Variants in ABI3BP observed in about 807,000 individuals in gnomAD.
ABI3BP encodes the protein ABI family member 3 binding protein, also known as target of Nesh-SH3.
Under a neutral mutation model 268.6 loss-of-function variants are expected in ABI3BP, and 216 were observed. The observed-to-expected ratio is 0.80, with a 90% CI of 0.72 to 0.90. The LOEUF is 0.90. Among genes scored for constraint, ABI3BP ranks in the 40% least tolerant of loss-of-function variants. The probability of loss-of-function intolerance (pLI) is 0.00; values close to 1 mark genes in which losing one functional copy is unlikely to be tolerated. For synonymous variants in ABI3BP, 730 were observed against 730.0 expected (o/e 1.00, Z 0.00); for missense variants, 2,090 against 2,182.4 (o/e 0.96, Z 0.84).
rs148714939 is a variant in ABI3BP at position 100,835,324 on chromosome 3, C to G, written c.2191+277G>C. On this transcript the variant is annotated intron_variant, in intron 28 of 67. Coordinates refer to ENST00000471714, the MANE Select transcript of ABI3BP (RefSeq NM_001375547.2). Reference sequence around the variant, plus strand: ...TGAAATTCAGTTTTAACATAGAACACTACTGGAGCAGAATCACAGGCTCTG... The same window carrying G: ...TGAAATTCAGTTTTAACATAGAACAGTACTGGAGCAGAATCACAGGCTCTG... 3.4e-4 allele frequency among the ~76,000 whole-genome samples: 52 copies of G among 152,242 alleles called. 1 individual carries two copies. Among genetic ancestry groups the G allele is most frequent in the African/African-American group, 1.2e-3 (50 of 41,558 alleles).
chr3:100,930,510 G>A (rs2063260874), intron 1 of ABI3BP, among the ~76,000 whole-genome samples: 1 of 151,914 alleles, frequency 6.6e-6, no homozygotes, highest in South Asian at 2.1e-4. Flanking sequence ...AAATGACAAA[G>A]GTGACACTAC....
chr3:100,929,465 T>C (rs2062925955), intron 1 of ABI3BP, among the ~76,000 whole-genome samples: 1 of 152,060 alleles, frequency 6.6e-6, no homozygotes, highest in African/African-American at 2.4e-5. Flanking sequence ...AATTGGCATT[T>C]AGCTGTTCTA....
At position 100,749,608 on chromosome 3, in the gene ABI3BP, A is replaced by ACGTATAAATACATAGTAAATATCCT. The variant is rs2149131265; in HGVS notation, c.*862_*886dup. The ACGTATAAATACATAGTAAATATCCT allele has an allele frequency of 7.5e-6, 3 of 398,368 alleles. No individual in the cohort carries two copies. The highest frequency in any genetic ancestry group is 4.4e-6 in the Non-Finnish European group (1 of 225,672). 24.7% of individuals were successfully genotyped at this position (398,368 alleles called of 1,614,324 possible). On this transcript the variant is annotated 3_prime_UTR_variant, in exon 68 of 68. Coordinates refer to ENST00000471714, the MANE Select transcript of ABI3BP (RefSeq NM_001375547.2). ...GATACATTCATTCATAGAGGTCTTA[A>ACGTATAAATACATAGTAAATATCCT]CGTATAAATACATAGTAAATATCCT...
At chr3:100,932,163 T>C (rs1029803151) in intron 1 of ABI3BP, among the ~76,000 whole-genome samples, 11 of 151,998 alleles carry the variant, frequency 7.2e-5, no homozygotes, top group Admixed American at 7.2e-4. Context: ...TGCAGAAGAT[T>C]GAAGCTGGAT....
At chr3:100,787,953 G>A (rs921784459) in intron 56 of ABI3BP, among the ~76,000 whole-genome samples, 151 bp from the exon 57 acceptor site, 1 of 152,076 alleles carries the variant, frequency 6.6e-6, no homozygotes, top group African/African-American at 2.4e-5. Context: ...CCACAGTCTC[G>A]TATAAAAATA....
chr3:100,779,196 T>TA (rs1014427501), intron 58 of ABI3BP, among the ~76,000 whole-genome samples: 3 of 152,238 alleles, frequency 2.0e-5, no homozygotes, highest in South Asian at 2.1e-4. Flanking sequence ...GTAACCCTGA[T>TA]AGCTGAAACA....
At chr3:100,907,887 G>A (rs1290370351) in intron 2 of ABI3BP, among the ~76,000 whole-genome samples, 9 of 152,032 alleles carry the variant, frequency 5.9e-5, no homozygotes, top group Admixed American at 3.9e-4. Flanking sequence ...AGGCCTAGGC[G>A]GGCAGATCAT....
chr3:100,752,997 T>G (rs777021774), intron 65 of ABI3BP, 49 bp from the exon 66 acceptor site: 12 of 1,525,912 alleles, frequency 7.9e-6, no homozygotes, highest in Middle Eastern at 1.8e-4. Flanking sequence ...TTGGGTCAGA[T>G]ACTTCAAGAA....
intron 6 of ABI3BP, among the ~76,000 whole-genome samples, chr3:100,881,253 G>A (rs1423842893): frequency 6.6e-6 from 1 of 152,154 alleles, no homozygotes; most frequent in African/African-American, 2.4e-5. Context: ...ACTGTACACA[G>A]TCATAAAGTG....
At chr3:100,796,358 T>C in intron 52 of ABI3BP, 51 bp downstream of exon 52, 1 of 1,418,704 alleles carries the variant, frequency 7.0e-7, no homozygotes, top group Non-Finnish European at 9.5e-7. Context: ...CAAGAATTTT[T>C]TTTTTTGAAA....
rs547419759 is a variant in ABI3BP at position 100,833,081 on chromosome 3, T to C, written c.2314+44A>G. 4.4e-5 allele frequency: 66 copies of C among 1,503,984 alleles called. 1 individual carries two copies. In the African/African-American group the frequency reaches 7.2e-4, roughly 16 times the overall value. 93.2% of individuals were successfully genotyped at this position (1,503,984 alleles called of 1,614,324 possible). On this transcript the variant is annotated intron_variant, in intron 30 of 67. Coordinates refer to ENST00000471714, the MANE Select transcript of ABI3BP (RefSeq NM_001375547.2). ...ATAGCACCATAGCAAAATCTGACAATGAGTAAGAAAAAGGACTTGCTGAAG... is the reference window on the plus strand; with the variant it reads ...ATAGCACCATAGCAAAATCTGACAACGAGTAAGAAAAAGGACTTGCTGAAG...
At chr3:100,767,692 G>C (rs972224523) in intron 62 of ABI3BP, among the ~76,000 whole-genome samples, 1 of 152,082 alleles carries the variant, frequency 6.6e-6, no homozygotes, top group African/African-American at 2.4e-5. Flanking sequence ...ATCCGTGGAA[G>C]GTTAATAATA....
chr3:100,798,793 T>G (rs1183511204), intron 51 of ABI3BP, among the ~76,000 whole-genome samples: 2 of 152,212 alleles, frequency 1.3e-5, no homozygotes, highest in South Asian at 2.1e-4. Context: ...CAATAAGGTT[T>G]ACCCTGGCAA....
At chr3:100,773,611 A>AT (rs1401986891) in intron 61 of ABI3BP, among the ~76,000 whole-genome samples, 3 of 152,228 alleles carry the variant, frequency 2.0e-5, no homozygotes, top group African/African-American at 7.2e-5. Flanking sequence ...GTCCAAAGGA[A>AT]TGAAAGCATA....
chr3:100,933,997 T>C (rs572603618), intron 1 of ABI3BP, among the ~76,000 whole-genome samples: 1 of 152,156 alleles, frequency 6.6e-6, no homozygotes, highest in South Asian at 2.1e-4. Context: ...AATTTTTTAA[T>C]TATACTCTAA....
chr3:100,876,465 G>C, intron 7 of ABI3BP, 47 bp downstream of exon 7: 1 of 1,502,218 alleles, frequency 6.7e-7, no homozygotes, highest in Non-Finnish European at 9.1e-7. Flanking sequence ...TTAGCTAAAA[G>C]TATGTTAAAG....
At chr3:100,897,918 A>T (rs2048473392) in intron 4 of ABI3BP, among the ~76,000 whole-genome samples, 1 of 152,216 alleles carries the variant, frequency 6.6e-6, no homozygotes, top group African/African-American at 2.4e-5. Flanking sequence ...GCTTTTCTAG[A>T]TGCAAGTTTC....
chr3:100,776,572 G>A (rs768484391), intron 59 of ABI3BP, among the ~76,000 whole-genome samples: 1 of 152,104 alleles, frequency 6.6e-6, no homozygotes, highest in Non-Finnish European at 1.5e-5. Context: ...AGCCTCAGAG[G>A]ACTCCAGGAC....
At chr3:100,916,525 G>A (rs58055202) in intron 2 of ABI3BP, among the ~76,000 whole-genome samples, 1 of 152,128 alleles carries the variant, frequency 6.6e-6, no homozygotes, top group South Asian at 2.1e-4. Context: ...TAACCTCTTG[G>A]GGACTCACTG....
Sources: gnomAD v4.1 joint callset for allele counts (sites outside exome capture counted in the v4.1 genomes callset) on GRCh38, gnomAD v4.1.1 for gene constraint, MANE v1.5 for transcripts, NCBI Gene and HGNC (gene_info 2026-07-23, HGNC 2026-07-21) for gene names.